Variants in SPTBN1 observed in about 807,000 individuals in gnomAD.
SPTBN1 encodes the protein spectrin beta chain, non-erythrocytic 1.
A neutral mutation model predicts 266.4 loss-of-function variants in SPTBN1; 32 were observed. The observed-to-expected ratio is 0.12, with a 90% CI of 0.09 to 0.16. The LOEUF (loss-of-function observed/expected upper bound fraction) is 0.16. Ranked by LOEUF, SPTBN1 falls within the 10% of genes least tolerant of loss-of-function variation. The probability of loss-of-function intolerance (pLI) is 1.00; values close to 1 mark genes in which losing one functional copy is unlikely to be tolerated. For missense variants in SPTBN1, 2,296 were observed against 3,067.1 expected (o/e 0.75, Z 5.94); for synonymous variants, 1,336 against 1,162.2 (o/e 1.15, Z -3.04).
At chr2:54,547,210 A>G (rs1672298761) in intron 2 of SPTBN1, among the ~76,000 whole-genome samples, 1 of 152,186 alleles carries the variant, frequency 6.6e-6, no homozygotes. Context: ...TGTAAGTGGA[A>G]TCATGTAATA....
intron 1 of SPTBN1, among the ~76,000 whole-genome samples, chr2:54,513,632 A>G (rs186612844): frequency 1.3e-5 from 2 of 152,338 alleles, no homozygotes; most frequent in African/African-American, 2.4e-5. Context: ...TGTGGTGGCT[A>G]GAAACCCCAC....
chr2:54,661,532 G>T (rs1681043116), intron 32 of SPTBN1: 20 of 985,630 alleles, frequency 2.0e-5, no homozygotes, highest in Non-Finnish European at 2.3e-5. Context: ...ACTGTAGATG[G>T]GTATATAGAT....
chr2:54,611,599 A>AT (rs971121099), intron 3 of SPTBN1, among the ~76,000 whole-genome samples: 2 of 151,986 alleles, frequency 1.3e-5, no homozygotes, highest in South Asian at 2.1e-4. Flanking sequence ...CACTACACTC[A>AT]TTTTTTTCCC....
chr2:54,572,655 A>G (rs1042179575), intron 2 of SPTBN1, among the ~76,000 whole-genome samples: 5 of 152,210 alleles, frequency 3.3e-5, no homozygotes, highest in Non-Finnish European at 5.9e-5. Context: ...TTTACAAAAA[A>G]TCTTTGTTTT....
intron 33 of SPTBN1, among the ~76,000 whole-genome samples, chr2:54,665,654 C>G (rs1324222868): frequency 1.3e-5 from 2 of 152,186 alleles, no homozygotes; most frequent in African/African-American, 4.8e-5. Flanking sequence ...GGGTAACTTG[C>G]TTTTCTCCGA....
intron 4 of SPTBN1, 117 bp from the exon 5 acceptor site, chr2:54,616,090 T>A: frequency 3.9e-6 from 3 of 768,634 alleles, no homozygotes; most frequent in Non-Finnish European, 6.0e-6. Flanking sequence ...GTAGATCGTC[T>A]GCAGGGCAAG....
chr2:54,529,406 G>C (rs746773453), intron 2 of SPTBN1: 33 of 695,320 alleles, frequency 4.7e-5, no homozygotes, highest in East Asian at 5.5e-5. Context: ...CAAAGCAAAG[G>C]CTTTAAAGGC....
intron 1 of SPTBN1, among the ~76,000 whole-genome samples, chr2:54,500,355 C>T (rs562613210): frequency 2.8e-4 from 43 of 151,930 alleles, no homozygotes; most frequent in Non-Finnish European, 5.4e-4. Flanking sequence ...CAGGACCAGG[C>T]TGCTGGAGAT....
chr2:54,628,095 AGGTGCTAGTATTGTCTCAAGACTATGG>A lies in SPTBN1; in HGVS notation c.1645-1_1670del. ...GTCCTTTTGGTTGCTTCTTGTGCACAGGTGCTAGTATTGTCTCAAGACTATGGCAAACACTTACTTGGTGTGGAAGAC... is the reference window on the plus strand; with the variant it reads ...GTCCTTTTGGTTGCTTCTTGTGCACACAAACACTTACTTGGTGTGGAAGAC... On this transcript the variant is annotated splice_acceptor_variant and coding_sequence_variant, in exon 13 of 36. Coordinates refer to ENST00000356805, the MANE Select transcript of SPTBN1 (RefSeq NM_003128.3). LOFTEE classifies it high-confidence loss of function. This position sits in a 1 kb window ranked among gnomAD's most constrained non-coding sequence, Gnocchi z 4.3. 6.2e-7 allele frequency: 1 copy of A among 1,606,752 alleles called. No homozygotes were observed. Among genetic ancestry groups the A allele is most frequent in the Non-Finnish European group, 8.5e-7 (1 of 1,176,558 alleles).
At chr2:54,597,977 T>C (rs1676213488) in intron 2 of SPTBN1, among the ~76,000 whole-genome samples, 1 of 149,580 alleles carries the variant, frequency 6.7e-6, no homozygotes, top group African/African-American at 2.5e-5. Context: ...CTGGTGGAAC[T>C]AGATATAGTG....
chr2:54,567,682 T>G (rs1249255911), intron 2 of SPTBN1, among the ~76,000 whole-genome samples: 1 of 152,226 alleles, frequency 6.6e-6, no homozygotes, highest in Non-Finnish European at 1.5e-5. Context: ...ATGCACATGA[T>G]ACCCACCAGG....
chr2:54,622,153 G>C (rs959958185), intron 8 of SPTBN1, 147 bp from the exon 9 acceptor site: 8 of 715,680 alleles, frequency 1.1e-5, no homozygotes, highest in Non-Finnish European at 1.3e-5. Flanking sequence ...TAAAATGCTT[G>C]TGCCCAGGTA....
chr2:54,594,620 T>C (rs1486037976), intron 2 of SPTBN1, among the ~76,000 whole-genome samples: 1 of 152,146 alleles, frequency 6.6e-6, no homozygotes, highest in African/African-American at 2.4e-5. Context: ...GCTATAATTA[T>C]ATTTTAATAA....
chr2:54,507,963 C>T (rs1317230579), intron 1 of SPTBN1, among the ~76,000 whole-genome samples: 2 of 151,808 alleles, frequency 1.3e-5, no homozygotes, highest in Non-Finnish European at 2.9e-5. Flanking sequence ...TAGAGGGTGG[C>T]ATAAGAACGG....
chr2:54,598,869 C>T (rs1489954718), intron 2 of SPTBN1, among the ~76,000 whole-genome samples: 1 of 152,158 alleles, frequency 6.6e-6, no homozygotes, highest in Non-Finnish European at 1.5e-5. Context: ...GAGATTATAT[C>T]CCAGTAAACC....
intron 2 of SPTBN1, 111 bp from the exon 3 acceptor site, chr2:54,598,981 A>G: frequency 8.4e-7 from 1 of 1,190,916 alleles, no homozygotes; most frequent in Non-Finnish European, 1.2e-6. Context: ...GTGTCCTTGG[A>G]GGTCAGTTTT....
chr2:54,658,131 G>T, intron 30 of SPTBN1, 85 bp downstream of exon 30: 1 of 1,503,578 alleles, frequency 6.7e-7, no homozygotes, highest in South Asian at 1.2e-5. Flanking sequence ...GAATTCACAC[G>T]ATTGCTTGTT....
intron 2 of SPTBN1, among the ~76,000 whole-genome samples, chr2:54,568,811 G>A (rs1573434500): frequency 6.6e-6 from 1 of 152,172 alleles, no homozygotes; most frequent in East Asian, 1.9e-4. Flanking sequence ...GTCCATACCT[G>A]TTTTATGACT....
At chr2:54,648,822 C>G (rs1443116748) in intron 24 of SPTBN1, among the ~76,000 whole-genome samples, 164 bp from the exon 25 acceptor site, 1 of 152,148 alleles carries the variant, frequency 6.6e-6, no homozygotes, top group African/African-American at 2.4e-5. Flanking sequence ...AAATTGTGGC[C>G]AATTTCAGAA....
Sources: allele counts gnomAD v4.1 joint callset (sites outside exome capture counted in the v4.1 genomes callset), GRCh38; gene constraint gnomAD v4.1.1; non-coding constraint Gnocchi (gnomAD v3.1); transcripts MANE v1.5; gene names NCBI Gene and HGNC (gene_info 2026-07-23, HGNC 2026-07-21).